The following LINGO2 variants were observed in gnomAD, a reference collection of about 807,000 sequenced individuals.
The protein encoded by LINGO2 is leucine-rich repeat and immunoglobulin-like domain-containing nogo receptor-interacting protein 2.
Under a neutral mutation model 30.6 loss-of-function variants are expected in LINGO2, and 14 were observed. That is an observed-to-expected ratio of 0.46 (90% CI 0.30 to 0.72). LINGO2 has a LOEUF of 0.72. Among genes scored for constraint, LINGO2 ranks in the 30% least tolerant of loss-of-function variants. The pLI is 0.07. For synonymous variants in LINGO2, 317 were observed against 288.5 expected (o/e 1.10, Z -1.00); for missense variants, 729 against 751.7 (o/e 0.97, Z 0.35).
In LINGO2 at chr9:28,428,552, C is replaced by T. The variant is rs551928965; in HGVS notation, c.-279+47388G>A. On this transcript the variant is annotated intron_variant, in intron 2 of 5. Coordinates refer to ENST00000379992, the Ensembl canonical transcript of LINGO2. ...GATCAAAACAACCAGACCTTAACAA[C>T]TGCTTGGCAATGCAGCGGGGTTTTC... Among the ~76,000 whole-genome samples the T allele has an allele frequency of 5.9e-5, 9 of 152,300 alleles. No individual in the cohort carries two copies. In the South Asian group the frequency reaches 1.9e-3, roughly 32 times the overall value.
the LINGO2 span, among the ~76,000 whole-genome samples, chr9:28,843,962 A>T: frequency 6.6e-6 from 1 of 151,964 alleles, no homozygotes; most frequent in East Asian, 1.9e-4. Flanking sequence ...TTAATTATCT[A>T]TCTGAATCCA....
chr9:28,257,435 TA>T, intron 4 of LINGO2, among the ~76,000 whole-genome samples: 1 of 151,892 alleles, frequency 6.6e-6, no homozygotes. Context: ...CTTTGTGATT[TA>T]AAAGATGGTC....
chr9:28,433,949 C>CTCTCTCTATATATATATATATATA (rs1225323260), intron 2 of LINGO2, among the ~76,000 whole-genome samples: 4 of 88,476 alleles, frequency 4.5e-5, no homozygotes, highest in African/African-American at 1.8e-4. Context: ...CTCTCTCTCT[C>CTCTCTCTATATATATATATATATA]TATATATATA....
the LINGO2 span, among the ~76,000 whole-genome samples, chr9:28,842,949 A>G: frequency 6.6e-6 from 1 of 151,888 alleles, no homozygotes; most frequent in Non-Finnish European, 1.5e-5. Flanking sequence ...CAGAAATGTG[A>G]CAATTAGAAG....
the LINGO2 span, among the ~76,000 whole-genome samples, chr9:29,105,882 A>T: frequency 6.6e-6 from 1 of 152,136 alleles, no homozygotes; most frequent in African/African-American, 2.4e-5. Context: ...TCAGTCCTAC[A>T]TCCATAGTGA....
chr9:28,014,315 T>C (rs1298190123), intron 4 of LINGO2, among the ~76,000 whole-genome samples: 3 of 152,174 alleles, frequency 2.0e-5, no homozygotes, highest in Non-Finnish European at 4.4e-5. Context: ...AATTGCATAA[T>C]AGTCTCTTGA....
the LINGO2 span, among the ~76,000 whole-genome samples, chr9:29,171,375 G>A: frequency 6.6e-6 from 1 of 152,058 alleles, no homozygotes; most frequent in African/African-American, 2.4e-5. Flanking sequence ...TAAAGTCTTA[G>A]AACTTGAGTA....
the LINGO2 span, among the ~76,000 whole-genome samples, chr9:28,780,970 A>G: frequency 6.6e-6 from 1 of 152,126 alleles, no homozygotes; most frequent in Non-Finnish European, 1.5e-5. Context: ...TACAGTAACA[A>G]AAATATTTTC....
At chr9:28,896,068 C>G in the LINGO2 span, among the ~76,000 whole-genome samples, 1 of 151,990 alleles carries the variant, frequency 6.6e-6, no homozygotes, top group South Asian at 2.1e-4. Context: ...TTAAAGGGCT[C>G]TAACATTTAA....
At chr9:28,072,260 C>G (rs1254732353) in intron 4 of LINGO2, among the ~76,000 whole-genome samples, 1 of 152,202 alleles carries the variant, frequency 6.6e-6, no homozygotes, top group African/African-American at 2.4e-5. Flanking sequence ...ATTCTGCATT[C>G]TGAGACCTGT....
chr9:28,599,092 T>A (rs1049952522), intron 1 of LINGO2: 1 of 152,148 alleles, frequency 6.6e-6, no homozygotes, highest in African/African-American at 2.4e-5. Flanking sequence ...TTAGTCTTTA[T>A]TGGAAGAAGT....
At chr9:28,063,869 A>G (rs1490099213) in intron 4 of LINGO2, among the ~76,000 whole-genome samples, 1 of 152,118 alleles carries the variant, frequency 6.6e-6, no homozygotes, top group African/African-American at 2.4e-5. Flanking sequence ...CATGCAAACA[A>G]TCCTTTTTGG....
the LINGO2 span, among the ~76,000 whole-genome samples, chr9:29,168,620 TG>T: frequency 6.6e-6 from 1 of 152,240 alleles, no homozygotes; most frequent in East Asian, 1.9e-4. Flanking sequence ...CTTTTTATTT[TG>T]GACACCATCA....
intron 4 of LINGO2, among the ~76,000 whole-genome samples, chr9:28,120,026 AAGCTATG>A (rs1021795208): frequency 6.6e-6 from 1 of 152,204 alleles, no homozygotes. Context: ...TTTATTTTGA[AAGCTATG>A]AGCTATACTT....
intron 1 of LINGO2, among the ~76,000 whole-genome samples, chr9:28,550,309 C>T (rs533739261): frequency 2.6e-5 from 4 of 151,766 alleles, no homozygotes; most frequent in African/African-American, 9.6e-5. Flanking sequence ...ATGTTTTTCC[C>T]TTTTTGTTGG....
chr9:28,085,651 T>A (rs779924601), intron 4 of LINGO2, among the ~76,000 whole-genome samples: 2 of 152,018 alleles, frequency 1.3e-5, no homozygotes, highest in Non-Finnish European at 2.9e-5. Flanking sequence ...CCCTATAATA[T>A]AGAAATATTC....
At chr9:28,818,999 A>C in the LINGO2 span, among the ~76,000 whole-genome samples, 1 of 152,142 alleles carries the variant, frequency 6.6e-6, no homozygotes, top group African/African-American at 2.4e-5. Context: ...ATAAATACAT[A>C]GTTTTGTTGT....
intron 5 of LINGO2, among the ~76,000 whole-genome samples, chr9:28,005,350 T>C (rs1411808751): frequency 6.6e-6 from 1 of 152,156 alleles, no homozygotes; most frequent in African/African-American, 2.4e-5. Flanking sequence ...GGTGAGGATA[T>C]CATATGTGAT....
intron 4 of LINGO2, among the ~76,000 whole-genome samples, chr9:28,235,226 C>T (rs1408805196): frequency 1.3e-5 from 2 of 152,174 alleles, no homozygotes; most frequent in African/African-American, 4.8e-5. Flanking sequence ...GAACGAGAGT[C>T]TCTGCCTTGT....
Sources: allele counts gnomAD v4.1 joint callset (sites outside exome capture counted in the v4.1 genomes callset), GRCh38; gene constraint gnomAD v4.1.1; transcripts MANE v1.5; gene names NCBI Gene and HGNC (gene_info 2026-07-23, HGNC 2026-07-21).